The following SBNO2 variants were observed in gnomAD, a reference collection of about 807,000 sequenced individuals.
SBNO2 encodes the protein strawberry notch homolog 2.
SBNO2 carries 89 observed loss-of-function variants against 146.3 expected under a neutral mutation model. That is an observed-to-expected ratio of 0.61 (90% CI 0.51 to 0.73). The LOEUF (loss-of-function observed/expected upper bound fraction) is 0.73, where lower values mean the gene tolerates loss of function less well. Ranked by LOEUF, SBNO2 falls within the 30% of genes least tolerant of loss-of-function variation. The probability of loss-of-function intolerance (pLI) is 0.00; values close to 1 mark genes in which losing one functional copy is unlikely to be tolerated. For synonymous variants in SBNO2, 1,147 were observed against 892.6 expected (o/e 1.29, Z -5.08); for missense variants, 2,092 against 2,003.7 (o/e 1.04, Z -0.84).
At position 1,173,465 on chromosome 19, in the gene SBNO2, T is replaced by C. The variant is rs940551925; in HGVS notation, c.-127+707A>G. On this transcript the variant is annotated intron_variant, in intron 1 of 31. Coordinates refer to ENST00000361757, the MANE Select transcript of SBNO2 (RefSeq NM_014963.3). This position sits in a 1 kb window ranked among gnomAD's most constrained non-coding sequence, Gnocchi z 4.7. The stretch of plus-strand genomic sequence containing the variant: ...TCCATGCAGAAACCGAAAAACCATC[T>C]GCCCCAGAAGAGAAGTCGGAGGCCC... Among the ~76,000 whole-genome samples, 2 of 151,984 alleles carry C rather than the reference T, an allele frequency of 1.3e-5. No homozygotes were observed. The highest frequency in any genetic ancestry group is 1.3e-4 in the Admixed American group (2 of 15,262).
chr19:1,153,111 C>G (rs182606413), intron 2 of SBNO2, among the ~76,000 whole-genome samples: 1 of 151,400 alleles, frequency 6.6e-6, no homozygotes, highest in African/African-American at 2.4e-5. Context: ...CGAGATCGCA[C>G]CACTGCACTT....
intron 5 of SBNO2, 182 bp from the exon 6 acceptor site, chr19:1,124,204 G>A (rs1423379285): frequency 3.1e-6 from 2 of 644,954 alleles, no homozygotes; most frequent in Non-Finnish European, 5.4e-6. Context: ...TGCCTCCCAA[G>A]CCTCCCCAGT....
At chr19:1,127,530 G>GGACC in intron 5 of SBNO2, 74 bp downstream of exon 5, 1 of 1,418,976 alleles carries the variant, frequency 7.0e-7, no homozygotes, top group African/African-American at 1.4e-5. Context: ...AGACCTCACT[G>GGACC]GACCGTGTGG....
Position 1,112,095 on chromosome 19 carries a change from G to A in SBNO2, c.2629-28C>T. The A allele has an allele frequency of 6.2e-7, 1 of 1,611,240 alleles. No homozygotes were observed. Among genetic ancestry groups the A allele is most frequent in the South Asian group, 1.1e-5 (1 of 90,862 alleles). ...GCCAGGGGTGGGGAGGCCATCAGTT[G>A]GTCACCTGGGGTCTGGCCTCTAGCA... On this transcript the variant is annotated intron_variant, in intron 22 of 31. Coordinates refer to ENST00000361757, the MANE Select transcript of SBNO2 (RefSeq NM_014963.3). This position sits in a 1 kb window ranked among gnomAD's most constrained non-coding sequence, Gnocchi z 5.9.
chr19:1,133,234 G>A (rs373656921), intron 4 of SBNO2, among the ~76,000 whole-genome samples: 4 of 152,168 alleles, frequency 2.6e-5, no homozygotes, highest in Non-Finnish European at 4.4e-5. Flanking sequence ...GACCGCGGCC[G>A]AGACCGCGCA....
At chr19:1,132,008 G>A in intron 4 of SBNO2, 1 of 1,108,354 alleles carries the variant, frequency 9.0e-7, no homozygotes, top group Non-Finnish European at 1.2e-6. Flanking sequence ...CTCCGGCAGG[G>A]GGCCCGGCCG....
At chr19:1,161,879 C>T (rs958206192) in intron 1 of SBNO2, among the ~76,000 whole-genome samples, 5 of 131,058 alleles carry the variant, frequency 3.8e-5, no homozygotes, top group South Asian at 2.5e-4. Context: ...GGGTGAAAGC[C>T]GATCCACTCC....
Position 1,119,169 on chromosome 19 carries a change from G to A in SBNO2, c.1374-5C>T, listed in dbSNP as rs2145214128. 3.1e-6 allele frequency: 5 copies of A among 1,592,348 alleles called. No homozygotes were observed. The highest frequency in any genetic ancestry group is 2.2e-5 in the South Asian group (2 of 89,040). Reference sequence around the variant, plus strand: ...ATCTCCATGGCGCCAACGCCCCTGCGGATGGACACAGCCCCCGTGAGCACG... The same window carrying A: ...ATCTCCATGGCGCCAACGCCCCTGCAGATGGACACAGCCCCCGTGAGCACG... On this transcript the variant is annotated splice_region_variant and splice_polypyrimidine_tract_variant and intron_variant, in intron 13 of 31. Coordinates refer to ENST00000361757, the MANE Select transcript of SBNO2 (RefSeq NM_014963.3).
intron 12 of SBNO2, 49 bp downstream of exon 12, chr19:1,119,857 C>A: frequency 7.1e-7 from 1 of 1,401,118 alleles, no homozygotes; most frequent in Non-Finnish European, 9.8e-7. Context: ...GACAGCCAGG[C>A]AGAAAGACGC....
At chr19:1,116,676 G>A (rs2079835798) in intron 16 of SBNO2, among the ~76,000 whole-genome samples, 153 bp downstream of exon 16, 1 of 152,110 alleles carries the variant, frequency 6.6e-6, no homozygotes, top group South Asian at 2.1e-4. Flanking sequence ...CAGCGGTGAA[G>A]GCCTCTGTGG....
intron 23 of SBNO2, 124 bp downstream of exon 23, chr19:1,111,872 C>T: frequency 3.0e-6 from 3 of 1,014,632 alleles, no homozygotes; most frequent in South Asian, 3.1e-5. Flanking sequence ...ACCCGGCCCT[C>T]CTCCAGACCA....
intron 12 of SBNO2, 98 bp from the exon 13 acceptor site, chr19:1,119,719 G>T: frequency 8.8e-7 from 1 of 1,133,948 alleles, no homozygotes; most frequent in Non-Finnish European, 1.3e-6. Context: ...GGGGCCCTGC[G>T]GGGTTGGAGC....
rs761807515 is a variant in SBNO2 at position 1,118,993 on chromosome 19, TC to T, written c.1527+17del. On this transcript the variant is annotated intron_variant, in intron 14 of 31. Coordinates refer to ENST00000361757, the MANE Select transcript of SBNO2 (RefSeq NM_014963.3). ...CGGGAAACGCACAGGGGTCCCCGGG[TC>T]GGGTGCGCAGGCTCACCAGCAGGGC... 6.4e-7 allele frequency: 1 copy of T among 1,568,586 alleles called. No individual in the cohort carries two copies. The highest frequency in any genetic ancestry group is 1.1e-5 in the South Asian group (1 of 88,144).
chr19:1,119,209 G>T, intron 13 of SBNO2, 45 bp from the exon 14 acceptor site: 1 of 1,559,414 alleles, frequency 6.4e-7, no homozygotes, highest in Non-Finnish European at 8.7e-7. Flanking sequence ...GAGCCCGTGG[G>T]GATGGAGCCA....
rs1244093212 is a variant in SBNO2, at chr19:1,110,156, A to C, written c.3029-379T>G. On this transcript the variant is annotated intron_variant, in intron 26 of 31. Transcript: ENST00000361757. This position sits in a 1 kb window ranked among gnomAD's most constrained non-coding sequence, Gnocchi z 4.9. ...GGCTGCTCAGGTGCTGGGTGACCCC[A>C]AGCAGGCTGTGGGGGATCGTGGGAG... 2.7e-5 allele frequency among the ~76,000 whole-genome samples: 4 copies of C among 147,282 alleles called. No homozygotes were observed. Among genetic ancestry groups the C allele is most frequent in the Admixed American group, 2.7e-4 (4 of 14,912 alleles).
intron 7 of SBNO2, 82 bp downstream of exon 7, chr19:1,123,452 C>T (rs965128054): frequency 9.1e-5 from 105 of 1,149,156 alleles, no homozygotes; most frequent in Admixed American, 3.0e-4. Flanking sequence ...GTGGGCTGTG[C>T]GGGCGGTGGT....
intron 1 of SBNO2, chr19:1,168,845 C>G (rs76453453): frequency 6.6e-6 from 1 of 152,246 alleles, no homozygotes; most frequent in Non-Finnish European, 1.5e-5. Context: ...TACTGCCCGC[C>G]AGGCCCGAAG....
In SBNO2 at chr19:1,120,232, T is replaced by A. The variant is rs2079884539; in HGVS notation, c.1150-209A>T. ...CCCCCACACGACCATTAGATGGGTG[T>A]GGCCTGGGATGGCTCCTCCCAGACT... On this transcript the variant is annotated intron_variant, in intron 11 of 31. Transcript: ENST00000361757. 4 of 574,272 alleles carry A rather than the reference T, an allele frequency of 7.0e-6. No homozygotes were observed. The East Asian group carries it at 1.1e-4, about 16-fold the overall frequency. The allele number at this position is 574,272 out of a possible 1,614,324, so 35.6% of individuals were successfully genotyped here. A position where few individuals can be genotyped will look rare whatever the true frequency, so the allele number is the denominator to read the frequency against.
rs2079876815 is a variant in SBNO2, at chr19:1,119,695, G to C, written c.1268-74C>G. ...GCCGCGTCAGGGGACGACTAAGTTGGGACCACCCGACGAGGGGCCCTGCGG... is the reference window on the plus strand; with the variant it reads ...GCCGCGTCAGGGGACGACTAAGTTGCGACCACCCGACGAGGGGCCCTGCGG... On this transcript the variant is annotated intron_variant, in intron 12 of 31. Coordinates refer to ENST00000361757, the MANE Select transcript of SBNO2 (RefSeq NM_014963.3). The C allele has an allele frequency of 3.7e-6, 5 of 1,343,240 alleles. No homozygotes were observed. The South Asian group carries it at 6.2e-5, about 17-fold the overall frequency. The allele number at this position is 1,343,240 out of a possible 1,614,324, so 83.2% of individuals were successfully genotyped here.
Sources: gnomAD v4.1 joint callset for allele counts (sites outside exome capture counted in the v4.1 genomes callset) on GRCh38, gnomAD v4.1.1 for gene constraint, Gnocchi (gnomAD v3.1) non-coding constraint, MANE v1.5 for transcripts, NCBI Gene and HGNC (gene_info 2026-07-23, HGNC 2026-07-21) for gene names.